The following PI4K2A variants were observed in gnomAD, a reference collection of about 807,000 sequenced individuals.
PI4K2A encodes the protein phosphatidylinositol 4-kinase type 2 alpha.
Under a neutral mutation model 55.0 loss-of-function variants are expected in PI4K2A, and 20 were observed. The observed-to-expected ratio is 0.36, with a 90% CI of 0.26 to 0.53. PI4K2A has a LOEUF of 0.53. Ranked by LOEUF, PI4K2A falls within the 20% of genes least tolerant of loss-of-function variation. The pLI, the probability that PI4K2A is intolerant of heterozygous loss-of-function variation, is 0.91. For missense variants in PI4K2A, 463 were observed against 637.1 expected, an observed-to-expected ratio of 0.73 and a Z score of 2.94; for synonymous variants, 235 against 258.5, an observed-to-expected ratio of 0.91 and a Z score of 0.87.
chr10:97,671,139 GA>G (rs200845848), intron 8 of PI4K2A, among the ~76,000 whole-genome samples: 10 of 145,870 alleles, frequency 6.9e-5, no homozygotes, highest in South Asian at 2.2e-4. Context: ...CTCCGTCTCA[GA>G]AAAAAAAAAA....
At position 97,656,468 on chromosome 10, in the gene PI4K2A, C is replaced by T. The variant is rs540952883; in HGVS notation, c.768+52C>T. On this transcript the variant is annotated intron_variant, in intron 3 of 8. Coordinates refer to ENST00000370631, the Ensembl canonical transcript of PI4K2A. The surrounding 1 kb of genome is among the most constrained non-coding windows in gnomAD (Gnocchi z 4.5). ...GGGTCATGATTTATAGTGACATAGT[C>T]ATCCAAGTGGTGAAGCAAGGTGCCT... The T allele has an allele frequency of 1.3e-4, 211 of 1,574,812 alleles. 2 individuals are homozygous for T. The South Asian group carries it at 1.4e-3, about 10-fold the overall frequency.
chr10:97,663,317 A>G (rs12259568), intron 5 of PI4K2A, among the ~76,000 whole-genome samples: 4,395 of 152,254 alleles, frequency 0.029, 180 homozygotes, highest in East Asian at 0.15. Flanking sequence ...TAAACCATGA[A>G]CCACTTTTCT....
intron 4 of PI4K2A, among the ~76,000 whole-genome samples, chr10:97,657,374 T>C (rs1027612728): frequency 5.3e-5 from 8 of 152,072 alleles, no homozygotes; most frequent in Non-Finnish European, 8.8e-5. Flanking sequence ...AGGACAAAAG[T>C]CTTTAAATTC....
chr10:97,648,084 C>T (rs2041513853), intron 1 of PI4K2A, among the ~76,000 whole-genome samples: 1 of 145,240 alleles, frequency 6.9e-6, no homozygotes, highest in Non-Finnish European at 1.5e-5. Context: ...TACCACCACA[C>T]TTAGCTAATT....
At chr10:97,668,448 C>T (rs1177989669) in intron 8 of PI4K2A, among the ~76,000 whole-genome samples, 1 of 152,124 alleles carries the variant, frequency 6.6e-6, no homozygotes, top group Non-Finnish European at 1.5e-5. Context: ...TGTGGTGGCG[C>T]ACGCCTGTAA....
chr10:97,668,707 G>A (rs994976927), intron 8 of PI4K2A, among the ~76,000 whole-genome samples: 1 of 152,124 alleles, frequency 6.6e-6, no homozygotes, highest in Non-Finnish European at 1.5e-5. Flanking sequence ...TATGATTTTT[G>A]TATACAGAAA....
intron 2 of PI4K2A, among the ~76,000 whole-genome samples, chr10:97,653,930 A>C (rs2135755630): frequency 6.7e-6 from 1 of 149,902 alleles, no homozygotes; most frequent in African/African-American, 2.5e-5. Flanking sequence ...AAAAAAAAAT[A>C]CTTGTCTTCC....
In PI4K2A at chr10:97,661,453, G is replaced by T. The variant is rs144809262; in HGVS notation, c.923-1454G>T. 9.4e-3 allele frequency among the ~76,000 whole-genome samples: 1,411 copies of T among 150,612 alleles called. 20 individuals are homozygous for T. Among genetic ancestry groups the T allele is most frequent in the African/African-American group, 0.028 (1,165 of 40,950 alleles). On this transcript the variant is annotated intron_variant, in intron 4 of 8. Transcript: ENST00000370631. ...TTACCCCAGTTGTTTCATAAAAAAA[G>T]ATTTTTATAATTGGCTTGTTGAAAT...
intron 1 of PI4K2A, among the ~76,000 whole-genome samples, chr10:97,647,890 A>C (rs1048557657): frequency 6.6e-6 from 1 of 151,110 alleles, no homozygotes; most frequent in Admixed American, 6.6e-5. Context: ...ACTTGACTGC[A>C]ATCTTGGCCT....
chr10:97,673,807 C>A, exon 9 of PI4K2A: 1 of 1,481,258 alleles, frequency 6.8e-7, no homozygotes, highest in Non-Finnish European at 9.3e-7. Flanking sequence ...GAGTGGGGTG[C>A]AGGAAAAGCC....
rs199787458 is a variant in PI4K2A at position 97,642,924 on chromosome 10, C to CCTTTCTTTCTTTCCTTT, written c.435+1756_435+1757insTTTCCTTTCTTTCTTTC. ...TCCTTCCTTCCTTCCTTCCTTCCTT[C>CCTTTCTTTCTTTCCTTT]CTTTCTTTCCTTTCTTTCTTTCTCT... On this transcript the variant is annotated intron_variant, in intron 1 of 8. Transcript: ENST00000370631. Among the ~76,000 whole-genome samples the CCTTTCTTTCTTTCCTTT allele has an allele frequency of 3.1e-3, 354 of 113,432 alleles. 6 individuals carry two copies. Among genetic ancestry groups the CCTTTCTTTCTTTCCTTT allele is most frequent in the East Asian group, 0.012 (42 of 3,602 alleles). 74.4% of individuals were successfully genotyped at this position (113,432 alleles called of 152,430 possible).
chr10:97,640,726 A>C lies in PI4K2A; in HGVS notation c.-17A>C, dbSNP rs773265943. On this transcript the variant is annotated 5_prime_UTR_variant, in exon 1 of 9. Coordinates refer to ENST00000370631, the Ensembl canonical transcript of PI4K2A. The stretch of plus-strand genomic sequence containing the variant: ...TGGTGTGGAGCGCGCCGGGTCCCGG[A>C]GCCGGCTGTCTGAGGGATGGACGAG... The C allele has an allele frequency of 4.3e-5, 63 of 1,466,788 alleles. 2 individuals are homozygous for C. In the Middle Eastern group the frequency reaches 3.1e-3, roughly 72 times the overall value. The allele number at this position is 1,466,788 out of a possible 1,614,324, so 90.9% of individuals were successfully genotyped here.
intron 8 of PI4K2A, 98 bp downstream of exon 8, chr10:97,667,218 C>T (rs4254004): frequency 0.35 from 255,103 of 726,612 alleles, 41,623 homozygotes; most frequent in African/African-American, 0.6. Context: ...ATACCCCCCC[C>T]TTTTTTTTTG....
At chr10:97,665,463 G>A (rs964139435) in intron 6 of PI4K2A, among the ~76,000 whole-genome samples, 1 of 151,522 alleles carries the variant, frequency 6.6e-6, no homozygotes, top group African/African-American at 2.4e-5. Context: ...TAGTAGAGAC[G>A]GGGTTTCACC....
intron 4 of PI4K2A, among the ~76,000 whole-genome samples, chr10:97,658,626 C>G (rs1006027375): frequency 6.6e-6 from 1 of 152,198 alleles, no homozygotes; most frequent in Non-Finnish European, 1.5e-5. Context: ...CTGTTTTCCA[C>G]AGCAGCTGTG....
At chr10:97,658,207 G>A (rs2041564453) in intron 4 of PI4K2A, among the ~76,000 whole-genome samples, 1 of 152,090 alleles carries the variant, frequency 6.6e-6, no homozygotes, top group East Asian at 1.9e-4. Flanking sequence ...CCCTCCCTAC[G>A]TCCCTGGCAA....
intron 4 of PI4K2A, among the ~76,000 whole-genome samples, chr10:97,657,717 TC>T: frequency 6.6e-6 from 1 of 152,184 alleles, no homozygotes; most frequent in East Asian, 1.9e-4. Context: ...CTATATTTTG[TC>T]CGATATTTTA....
chr10:97,644,524 G>A (rs2041494784), intron 1 of PI4K2A, among the ~76,000 whole-genome samples: 1 of 152,174 alleles, frequency 6.6e-6, no homozygotes, highest in South Asian at 2.1e-4. Flanking sequence ...CATGCTCAGG[G>A]CTGGCATGAC....
chr10:97,664,067 T>C (rs1468943467), intron 5 of PI4K2A, among the ~76,000 whole-genome samples: 1 of 152,178 alleles, frequency 6.6e-6, no homozygotes, highest in Non-Finnish European at 1.5e-5. Flanking sequence ...CTTTCTCTAA[T>C]AGTGGCTCTC....
Sources: gnomAD v4.1 joint callset for allele counts (sites outside exome capture counted in the v4.1 genomes callset) on GRCh38, gnomAD v4.1.1 for gene constraint, Gnocchi (gnomAD v3.1) non-coding constraint, MANE v1.5 for transcripts, NCBI Gene and HGNC (gene_info 2026-07-23, HGNC 2026-07-21) for gene names.